Variants in TOPAZ1 observed in about 807,000 individuals in gnomAD.
TOPAZ1 encodes the protein testis and ovary specific TOPAZ 1.
A neutral mutation model predicts 172.2 loss-of-function variants in TOPAZ1; 66 were observed. That is an observed-to-expected ratio of 0.38 (90% CI 0.31 to 0.47). The LOEUF (loss-of-function observed/expected upper bound fraction) is 0.47, where lower values mean the gene tolerates loss of function less well. Ranked by LOEUF, TOPAZ1 falls within the 20% of genes least tolerant of loss-of-function variation. TOPAZ1 has a pLI of 0.99. For synonymous variants in TOPAZ1, 681 were observed against 683.9 expected, an observed-to-expected ratio of 1.00 and a Z score of 0.07; for missense variants, 1,822 against 1,972.4, an observed-to-expected ratio of 0.92 and a Z score of 1.44.
At chr3:44,295,410 TC>T (rs1275641947) in intron 12 of TOPAZ1, among the ~76,000 whole-genome samples, 1 of 152,176 alleles carries the variant, frequency 6.6e-6, no homozygotes, top group African/African-American at 2.4e-5. Flanking sequence ...TAGAGTGATA[TC>T]CATATACTGT....
chr3:44,289,517 G>T (rs1700114026), intron 11 of TOPAZ1, among the ~76,000 whole-genome samples: 1 of 152,016 alleles, frequency 6.6e-6, no homozygotes, highest in East Asian at 1.9e-4. Context: ...AGTTAAAGTT[G>T]TTGAATAACG....
At chr3:44,311,421 C>T (rs967387585) in intron 16 of TOPAZ1, among the ~76,000 whole-genome samples, 1 of 152,140 alleles carries the variant, frequency 6.6e-6, no homozygotes, top group Admixed American at 6.5e-5. Flanking sequence ...TAAAAATGAA[C>T]TTGGGTCACC....
rs115772643 is a variant in TOPAZ1, at chr3:44,262,628, G to T, written c.3020+145G>T. 1.1e-3 allele frequency: 469 copies of T among 421,400 alleles called. 1 individual carries two copies. Among genetic ancestry groups the T allele is most frequent in the African/African-American group, 8.9e-3 (436 of 48,784 alleles). 26.1% of individuals were successfully genotyped at this position (421,400 alleles called of 1,614,324 possible). On this transcript the variant is annotated intron_variant, in intron 5 of 19. Transcript: ENST00000309765. The stretch of plus-strand genomic sequence containing the variant: ...TAGGTATAATTTAATTAATGTGTCA[G>T]ATGTACTCAGGTGTAAGGGGTATTG...
intron 12 of TOPAZ1, among the ~76,000 whole-genome samples, chr3:44,300,880 T>C (rs1700265227): frequency 6.6e-6 from 1 of 151,892 alleles, no homozygotes; most frequent in Non-Finnish European, 1.5e-5. Context: ...CAGATACCCT[T>C]CAATAGGTGA....
intron 12 of TOPAZ1, among the ~76,000 whole-genome samples, chr3:44,296,102 A>G (rs1700190928): frequency 6.6e-6 from 1 of 152,218 alleles, no homozygotes; most frequent in Non-Finnish European, 1.5e-5. Context: ...AAATTAAACA[A>G]CACATTTCTC....
chr3:44,246,941 C>T (rs538370628), intron 2 of TOPAZ1, among the ~76,000 whole-genome samples: 20 of 152,290 alleles, frequency 1.3e-4, no homozygotes, highest in African/African-American at 4.6e-4. Flanking sequence ...GAGCAAACTT[C>T]TCTGTTGAGT....
At chr3:44,334,312 T>C (rs961830081), downstream of TOPAZ1, among the ~76,000 whole-genome samples, 3 of 152,142 alleles carry the variant, frequency 2.0e-5, no homozygotes, top group Admixed American at 2.0e-4. Flanking sequence ...CTGCCTATTA[T>C]GGTTTCAAGA....
At position 44,306,363 on chromosome 3, in the gene TOPAZ1, T is replaced by G; in HGVS notation, c.4077T>G (p.Gly1359=). The change falls in exon 15 of 20, where the codon GGT becomes GGG. Residue 1359 remains glycine, a synonymous_variant. Transcript: ENST00000309765. The stretch of plus-strand genomic sequence containing the variant: ...CACAAAACAGTAAAGTAGATAAAGG[T>G]GTACTGGGAAGAATTGGAATCAGTG... ...KDPQNSKVDK[G]VLGRIGISAM... is the part of the protein sequence containing the mutation. The G allele has an allele frequency of 6.5e-7, 1 of 1,549,164 alleles. No individual in the cohort carries two copies. Among genetic ancestry groups the G allele is most frequent in the Non-Finnish European group, 8.7e-7 (1 of 1,145,088 alleles).
chr3:44,245,568 G>A lies in TOPAZ1; in HGVS notation c.2765+297G>A, dbSNP rs979085306. Among the ~76,000 whole-genome samples the A allele has an allele frequency of 1.3e-4, 15 of 111,498 alleles. No individual in the cohort carries two copies. The South Asian group carries it at 2.2e-3, about 16-fold the overall frequency. The allele number at this position is 111,498 out of a possible 152,430, so 73.1% of individuals were successfully genotyped here. On this transcript the variant is annotated intron_variant, in intron 2 of 19. Coordinates refer to ENST00000309765, the MANE Select transcript of TOPAZ1 (RefSeq NM_001145030.2). ...TTTTTTTTTTTTTTAACGGAGTCTC[G>A]CTCTGTCACCCAGGCTGGAGTGCAG...
intron 17 of TOPAZ1, 55 bp downstream of exon 17, chr3:44,321,246 G>C: frequency 8.0e-7 from 1 of 1,243,864 alleles, no homozygotes; most frequent in Non-Finnish European, 1.1e-6. Flanking sequence ...GTGTTTAACT[G>C]TTAATAAGAA....
intron 12 of TOPAZ1, among the ~76,000 whole-genome samples, chr3:44,301,980 T>C (rs1700276977): frequency 6.6e-6 from 1 of 152,250 alleles, no homozygotes; most frequent in Non-Finnish European, 1.5e-5. Flanking sequence ...CGTTTTCTTT[T>C]ACTATTTGTA....
intron 6 of TOPAZ1, among the ~76,000 whole-genome samples, chr3:44,268,870 T>G (rs1699861870): frequency 6.6e-6 from 1 of 152,218 alleles, no homozygotes; most frequent in South Asian, 2.1e-4. Flanking sequence ...TCACTAGTTT[T>G]CTTCCCTTAG....
At chr3:44,242,745 TG>T in intron 1 of TOPAZ1, 107 bp from the exon 2 acceptor site, 1 of 852,264 alleles carries the variant, frequency 1.2e-6, no homozygotes, top group East Asian at 2.8e-5. Context: ...TACATACAGC[TG>T]TTCAGGGAAA....
At chr3:44,257,976 T>C (rs1460322916) in intron 4 of TOPAZ1, among the ~76,000 whole-genome samples, 1 of 152,172 alleles carries the variant, frequency 6.6e-6, no homozygotes, top group Non-Finnish European at 1.5e-5. Flanking sequence ...GGATTATTAA[T>C]TGATAATTCT....
chr3:44,242,505 T>A, intron 1 of TOPAZ1, 106 bp downstream of exon 1: 1 of 1,182,350 alleles, frequency 8.5e-7, no homozygotes, highest in Non-Finnish European at 1.2e-6. Flanking sequence ...TTATTTCTGA[T>A]GCACATAGTT....
intron 4 of TOPAZ1, among the ~76,000 whole-genome samples, chr3:44,257,762 G>C (rs1265583865): frequency 6.6e-6 from 1 of 151,962 alleles, no homozygotes; most frequent in African/African-American, 2.4e-5. Flanking sequence ...GCAGGAATTT[G>C]ATATTGATAA....
chr3:44,257,325 G>C (rs1699717661), intron 4 of TOPAZ1, among the ~76,000 whole-genome samples: 1 of 148,238 alleles, frequency 6.7e-6, no homozygotes, highest in Admixed American at 6.8e-5. Flanking sequence ...AACAAAGCAA[G>C]ACCTGTCTCA....
intron 9 of TOPAZ1, among the ~76,000 whole-genome samples, chr3:44,284,480 GT>G (rs1700057315): frequency 6.6e-6 from 1 of 152,044 alleles, no homozygotes. Context: ...ATAATATCCT[GT>G]TGTATGTACA....
At chr3:44,255,113 G>C in intron 3 of TOPAZ1, 84 bp downstream of exon 3, 1 of 981,170 alleles carries the variant, frequency 1.0e-6, no homozygotes, top group Non-Finnish European at 1.5e-6. Context: ...GAATTCACTA[G>C]AACAAGAAGC....
Sources: allele counts gnomAD v4.1 joint callset (sites outside exome capture counted in the v4.1 genomes callset), GRCh38; gene constraint gnomAD v4.1.1; transcripts MANE v1.5; gene names NCBI Gene and HGNC (gene_info 2026-07-23, HGNC 2026-07-21).